ADGRB3: variants seen among roughly 807,000 people sequenced by gnomAD.
ADGRB3 encodes the protein brain-specific angiogenesis inhibitor 3.
Under a neutral mutation model 193.4 loss-of-function variants are expected in ADGRB3, and 37 were observed. That is an observed-to-expected ratio of 0.19 (90% confidence interval 0.15 to 0.25). The LOEUF (loss-of-function observed/expected upper bound fraction) is 0.25. Among genes scored for constraint, ADGRB3 ranks in the 10% least tolerant of loss-of-function variants. The pLI is 1.00. For synonymous variants in ADGRB3, 690 were observed against 644.2 expected (o/e 1.07, Z -1.08); for missense variants, 1,637 against 1,852.9 (o/e 0.88, Z 2.14).
chr6:69,251,048 G>A (rs984731846), intron 20 of ADGRB3, among the ~76,000 whole-genome samples: 1 of 152,102 alleles, frequency 6.6e-6, no homozygotes, highest in African/African-American at 2.4e-5. Flanking sequence ...TGTTGTAGGG[G>A]TCAATAAGCC....
chr6:69,241,282 G>T (rs1451115091), intron 20 of ADGRB3, among the ~76,000 whole-genome samples: 4 of 151,464 alleles, frequency 2.6e-5, no homozygotes, highest in African/African-American at 9.7e-5. Context: ...TTAAAAACCC[G>T]ATGAAATTAA....
chr6:68,721,644 A>G (rs1230033441), intron 3 of ADGRB3, among the ~76,000 whole-genome samples: 1 of 146,906 alleles, frequency 6.8e-6, no homozygotes, highest in Non-Finnish European at 1.5e-5. Context: ...ATATATATAT[A>G]TATATATATA....
chr6:68,779,606 C>A (rs1452306746), intron 3 of ADGRB3, among the ~76,000 whole-genome samples: 1 of 152,106 alleles, frequency 6.6e-6, no homozygotes, highest in East Asian at 1.9e-4. Flanking sequence ...GACTTTCTAG[C>A]TTTCAGAAAG....
chr6:68,887,274 A>C (rs1047009592), intron 3 of ADGRB3, among the ~76,000 whole-genome samples: 2 of 152,118 alleles, frequency 1.3e-5, no homozygotes, highest in Non-Finnish European at 2.9e-5. Context: ...TCAACAATAG[A>C]AAAAATGGGC....
At chr6:69,228,576 T>C (rs950551833) in intron 17 of ADGRB3, among the ~76,000 whole-genome samples, 4 of 152,206 alleles carry the variant, frequency 2.6e-5, no homozygotes, top group Admixed American at 6.5e-5. Flanking sequence ...AAACTGCTGT[T>C]AACTCCAGGC....
chr6:68,813,385 T>C (rs185038748), intron 3 of ADGRB3, among the ~76,000 whole-genome samples: 1 of 152,150 alleles, frequency 6.6e-6, no homozygotes, highest in Non-Finnish European at 1.5e-5. Context: ...ATTTTTGTAC[T>C]CACTGGGCTA....
At chr6:69,008,704 C>T (rs759187948) in intron 11 of ADGRB3, among the ~76,000 whole-genome samples, 119 of 152,188 alleles carry the variant, frequency 7.8e-4, no homozygotes, top group Admixed American at 2.2e-3. Context: ...GAAGAAGAGG[C>T]CCATTCCTTG....
intron 3 of ADGRB3, among the ~76,000 whole-genome samples, chr6:68,709,513 A>T (rs1201790256): frequency 6.6e-6 from 1 of 152,166 alleles, no homozygotes; most frequent in African/African-American, 2.4e-5. Context: ...TTGCCAGAGG[A>T]ATCAGGGGGC....
At chr6:69,264,444 CT>C (rs200887229) in intron 20 of ADGRB3, among the ~76,000 whole-genome samples, 5 of 151,480 alleles carry the variant, frequency 3.3e-5, no homozygotes, top group Middle Eastern at 3.4e-3. Context: ...ATCTTTTATA[CT>C]TTTTTTTTCT....
chr6:69,301,060 C>T (rs980021266), intron 20 of ADGRB3, among the ~76,000 whole-genome samples: 5 of 151,474 alleles, frequency 3.3e-5, no homozygotes, highest in Admixed American at 1.3e-4. Flanking sequence ...TTTCAATAAA[C>T]ATATCGGAAA....
At chr6:69,196,539 C>T (rs934165291) in intron 17 of ADGRB3, among the ~76,000 whole-genome samples, 8 of 152,098 alleles carry the variant, frequency 5.3e-5, no homozygotes, top group African/African-American at 1.9e-4. Flanking sequence ...AAATGCATCC[C>T]AAATGTCTAT....
intron 20 of ADGRB3, among the ~76,000 whole-genome samples, chr6:69,310,798 C>T (rs1225277223): frequency 6.6e-6 from 1 of 151,598 alleles, no homozygotes; most frequent in Non-Finnish European, 1.5e-5. Context: ...TGTAAGGAAA[C>T]CATGGTAAAG....
At chr6:68,654,043 T>C (rs951070108) in intron 3 of ADGRB3, among the ~76,000 whole-genome samples, 2 of 152,056 alleles carry the variant, frequency 1.3e-5, no homozygotes, top group Admixed American at 6.6e-5. Flanking sequence ...ATGTAAGTGT[T>C]TGGTAAACAA....
chr6:68,839,396 G>A (rs1768107823), intron 3 of ADGRB3, among the ~76,000 whole-genome samples: 1 of 152,138 alleles, frequency 6.6e-6, no homozygotes, highest in Non-Finnish European at 1.5e-5. Flanking sequence ...AGTGTCAAAA[G>A]AGCCGTATGC....
At chr6:69,140,806 CA>C (rs1461943577) in intron 17 of ADGRB3, among the ~76,000 whole-genome samples, 2 of 151,304 alleles carry the variant, frequency 1.3e-5, no homozygotes, top group South Asian at 2.1e-4. Flanking sequence ...AAATAAAAAT[CA>C]AAAAAAGAGA....
At chr6:68,950,009 A>G (rs1423241310) in intron 6 of ADGRB3, among the ~76,000 whole-genome samples, 1 of 152,090 alleles carries the variant, frequency 6.6e-6, no homozygotes, top group Non-Finnish European at 1.5e-5. Context: ...TAAAATGGCA[A>G]ATGGAAGACA....
intron 20 of ADGRB3, among the ~76,000 whole-genome samples, chr6:69,297,410 C>CTCTCTATATATA (rs1554192101): frequency 2.3e-5 from 3 of 128,304 alleles, no homozygotes; most frequent in African/African-American, 9.1e-5. Context: ...CTCTCTCTCT[C>CTCTCTATATATA]TATATATATA....
intron 20 of ADGRB3, among the ~76,000 whole-genome samples, chr6:69,268,246 G>A (rs540851868): frequency 5.3e-4 from 81 of 151,992 alleles, no homozygotes; most frequent in African/African-American, 1.6e-3. Flanking sequence ...TTATGTTTTC[G>A]TAATTCACAA....
At chr6:69,319,902 G>A (rs1768408053) in intron 20 of ADGRB3, among the ~76,000 whole-genome samples, 1 of 151,342 alleles carries the variant, frequency 6.6e-6, no homozygotes, top group Non-Finnish European at 1.5e-5. Flanking sequence ...TAAATACAAA[G>A]TATTACCATT....
Sources: allele counts gnomAD v4.1 joint callset (sites outside exome capture counted in the v4.1 genomes callset), GRCh38; gene constraint gnomAD v4.1.1; transcripts MANE v1.5; gene names NCBI Gene and HGNC (gene_info 2026-07-23, HGNC 2026-07-21).